Variants in SLC44A1 observed in about 807,000 individuals in gnomAD.
The protein encoded by SLC44A1 is solute carrier family 44 member 1, also known as choline transporter-like protein 1.
In SLC44A1, 26 loss-of-function variants were observed where a neutral mutation model predicts 79.3. That is an observed-to-expected ratio of 0.33 (90% CI 0.24 to 0.46). SLC44A1 has a LOEUF of 0.46. Ranked by LOEUF, SLC44A1 falls within the 20% of genes least tolerant of loss-of-function variation. The pLI is 1.00. For missense variants in SLC44A1, 688 were observed against 798.1 expected (o/e 0.86, Z 1.66); for synonymous variants, 263 against 286.2 (o/e 0.92, Z 0.82).
chr9:105,397,899 G>T (rs1828906043), downstream of SLC44A1, among the ~76,000 whole-genome samples: 1 of 151,956 alleles, frequency 6.6e-6, no homozygotes, highest in African/African-American at 2.4e-5. Flanking sequence ...AGTGAGCCAA[G>T]ATCGCATCAC....
intron 3 of SLC44A1, among the ~76,000 whole-genome samples, chr9:105,324,011 TTTTTG>T (rs1826486512): frequency 1.4e-5 from 2 of 147,968 alleles, no homozygotes; most frequent in African/African-American, 5.3e-5. Flanking sequence ...TTTGTTTTTG[TTTTTG>T]TTTTTGACGG....
intron 15 of SLC44A1, among the ~76,000 whole-genome samples, chr9:105,421,539 C>CATAATCCA (rs1829248826): frequency 6.6e-6 from 1 of 150,728 alleles, no homozygotes; most frequent in Admixed American, 6.6e-5. Flanking sequence ...CAGCGACACT[C>CATAATCCA]ATAATCCAAT....
chr9:105,417,123 G>A (rs894652591), intron 15 of SLC44A1, among the ~76,000 whole-genome samples: 6 of 152,110 alleles, frequency 3.9e-5, no homozygotes, highest in Admixed American at 2.0e-4. Flanking sequence ...TCCTAACAGG[G>A]ACTCACACAC....
At chr9:105,385,073 GA>G (rs1485883320) in intron 14 of SLC44A1, among the ~76,000 whole-genome samples, 1 of 151,894 alleles carries the variant, frequency 6.6e-6, no homozygotes, top group African/African-American at 2.4e-5. Flanking sequence ...CCTTGATATA[GA>G]AAAAAACAAC....
intron 15 of SLC44A1, among the ~76,000 whole-genome samples, chr9:105,435,704 G>A (rs889321780): frequency 2.0e-5 from 3 of 152,110 alleles, no homozygotes; most frequent in African/African-American, 7.2e-5. Context: ...ACAATGGCTC[G>A]ACCATGGTGT....
At chr9:105,304,710 C>T (rs893937882) in intron 2 of SLC44A1, among the ~76,000 whole-genome samples, 11 of 152,022 alleles carry the variant, frequency 7.2e-5, no homozygotes, top group Non-Finnish European at 1.3e-4. Context: ...TAAAAAGTTA[C>T]TTGCTCATGA....
intron 2 of SLC44A1, among the ~76,000 whole-genome samples, chr9:105,308,357 C>T (rs919918935): frequency 6.6e-6 from 1 of 152,184 alleles, no homozygotes; most frequent in Non-Finnish European, 1.5e-5. Flanking sequence ...TCACAACAGC[C>T]TGATGAGCTA....
chr9:105,286,395 C>T (rs1245436842), intron 1 of SLC44A1, among the ~76,000 whole-genome samples: 1 of 152,150 alleles, frequency 6.6e-6, no homozygotes, highest in Admixed American at 6.5e-5. Context: ...GGAATAATAA[C>T]AACATCAACT....
In SLC44A1 at chr9:105,395,414, T is replaced by C; in HGVS notation, c.*6358T>C. 2.3e-6 allele frequency: 1 copy of C among 438,528 alleles called. No homozygotes were observed. Among genetic ancestry groups the C allele is most frequent in the Non-Finnish European group, 3.0e-6 (1 of 329,972 alleles). 27.2% of individuals were successfully genotyped at this position (438,528 alleles called of 1,614,324 possible). A position where few individuals can be genotyped will look rare whatever the true frequency, so the allele number is the denominator to read the frequency against. On this transcript the variant is annotated 3_prime_UTR_variant, in exon 16 of 16. Transcript: ENST00000374720. ...TTGTATTTTTAGTAGAGACGGGGTT[T>C]CACCACGTTGGCCAGGCCAATCTCG...
chr9:105,374,413 T>C (rs1483285142), intron 12 of SLC44A1, among the ~76,000 whole-genome samples, 185 bp from the exon 13 acceptor site: 1 of 152,228 alleles, frequency 6.6e-6, no homozygotes, highest in Non-Finnish European at 1.5e-5. Flanking sequence ...TGGAAAGTTA[T>C]TTTTACCATA....
intron 3 of SLC44A1, among the ~76,000 whole-genome samples, chr9:105,318,477 G>A (rs888733014): frequency 4.6e-5 from 7 of 152,116 alleles, no homozygotes; most frequent in African/African-American, 1.4e-4. Context: ...ACTACACCCG[G>A]CCTATACAGT....
chr9:105,390,811 A>G lies in SLC44A1; in HGVS notation c.*1755A>G. 7 of 985,708 alleles carry G rather than the reference A, an allele frequency of 7.1e-6. No homozygotes were observed. Among genetic ancestry groups the G allele is most frequent in the Non-Finnish European group, 8.4e-6 (7 of 829,816 alleles). The allele number at this position is 985,708 out of a possible 1,614,324, so 61.1% of individuals were successfully genotyped here. A position where few individuals can be genotyped will look rare whatever the true frequency, so the allele number is the denominator to read the frequency against. ...CATGCATACACACAATTAAGAGCTC[A>G]TGTCTTAGCAAGATCTGGGAAACCA... On this transcript the variant is annotated 3_prime_UTR_variant, in exon 16 of 16. Coordinates refer to ENST00000374720, the MANE Select transcript of SLC44A1 (RefSeq NM_080546.5).
intron 3 of SLC44A1, among the ~76,000 whole-genome samples, chr9:105,312,075 T>G (rs930492956): frequency 7.9e-5 from 12 of 152,186 alleles, no homozygotes; most frequent in Admixed American, 6.5e-4. Flanking sequence ...TTTCTCCTGT[T>G]CCTTACTGTC....
chr9:105,397,384 C>G, downstream of SLC44A1: 1 of 981,506 alleles, frequency 1.0e-6, no homozygotes, highest in Non-Finnish European at 1.2e-6. Flanking sequence ...TCCCCATGCC[C>G]AGGGTGGTGA....
At chr9:105,375,804 C>T (rs1335481784) in intron 13 of SLC44A1, among the ~76,000 whole-genome samples, 2 of 152,034 alleles carry the variant, frequency 1.3e-5, no homozygotes, top group Non-Finnish European at 2.9e-5. Flanking sequence ...AGTATTAAAC[C>T]ATAAAATGCT....
intron 1 of SLC44A1, among the ~76,000 whole-genome samples, chr9:105,291,804 G>GAT (rs1830606736): frequency 6.6e-6 from 1 of 152,144 alleles, no homozygotes; most frequent in African/African-American, 2.4e-5. Context: ...GGTTATATGG[G>GAT]ATTCCTGGCC....
chr9:105,334,286 G>A (rs1460272592), intron 3 of SLC44A1, among the ~76,000 whole-genome samples: 1 of 149,384 alleles, frequency 6.7e-6, no homozygotes, highest in Non-Finnish European at 1.5e-5. Context: ...CCTTCATGCC[G>A]GGTTCCCAGT....
At chr9:105,433,191 G>A (rs1176834104) in intron 15 of SLC44A1, among the ~76,000 whole-genome samples, 2 of 152,104 alleles carry the variant, frequency 1.3e-5, no homozygotes. Context: ...AGCTACTCGG[G>A]AGGCTGAGGA....
At chr9:105,336,084 G>A (rs1249776226) in intron 4 of SLC44A1, among the ~76,000 whole-genome samples, 1 of 151,706 alleles carries the variant, frequency 6.6e-6, no homozygotes, top group African/African-American at 2.4e-5. Context: ...ATTGAAATAA[G>A]TTTTATATGT....
Sources: gnomAD v4.1 joint callset for allele counts (sites outside exome capture counted in the v4.1 genomes callset) on GRCh38, gnomAD v4.1.1 for gene constraint, MANE v1.5 for transcripts, NCBI Gene and HGNC (gene_info 2026-07-23, HGNC 2026-07-21) for gene names.